The following DPP9 variants were observed in gnomAD, a reference collection of about 807,000 sequenced individuals.
DPP9 encodes the protein dipeptidyl peptidase 9.
In DPP9, 50 loss-of-function variants were observed where a neutral mutation model predicts 110.7. The ratio of observed to expected loss-of-function variants is 0.45; its 90% confidence interval spans 0.36 to 0.57. DPP9 has a LOEUF of 0.57. Ranked by LOEUF, DPP9 falls within the 20% of genes least tolerant of loss-of-function variation. The pLI is 0.00. For synonymous variants in DPP9, 561 were observed against 514.4 expected (o/e 1.09, Z -1.23); for missense variants, 1,022 against 1,217.9 (o/e 0.84, Z 2.39).
chr19:4,685,711 C>T lies in DPP9; in HGVS notation c.1946G>A (p.Arg649Gln), dbSNP rs767196248. 19 of 1,613,370 alleles carry T rather than the reference C, an allele frequency of 1.2e-5. No individual in the cohort carries two copies. Among genetic ancestry groups the T allele is most frequent in the South Asian group, 8.8e-5 (8 of 91,046 alleles). Residue 649 changes from arginine (R) to glutamine (Q), a missense_variant, in exon 17 of 22, where the codon CGG (arginine) becomes CAG (glutamine). Coordinates refer to ENST00000262960, the MANE Select transcript of DPP9 (RefSeq NM_139159.5). This position sits in a 1 kb window ranked among gnomAD's most constrained non-coding sequence, Gnocchi z 5.8. Reference protein sequence around the residue: ...IFHFHTRSDVRLYGMIYKPHA... With the variant: ...IFHFHTRSDVQLYGMIYKPHA... ...GGGCTTGTAGATCATGCCGTAGAGC[C>T]GCACATCCGAGCGCGTGTGGAAATG... is the stretch of plus-strand genomic sequence containing the variant.
chr19:4,688,842 G>A lies in DPP9; in HGVS notation c.1800C>T (p.Cys600=), dbSNP rs758160584. The change falls in exon 16 of 22, where the codon TGC becomes TGT. Residue 600 remains cysteine, a synonymous_variant. Transcript: ENST00000262960. ...SHYSSVSTPP[C]VHVYKLSGPD... is the part of the protein sequence containing the mutation. Reference sequence around the variant, plus strand: ...GGCCGCTCAGCTTGTAGACGTGCACGCAGGGCGGCGTGCTCACGCTGCTGT... The same window carrying A: ...GGCCGCTCAGCTTGTAGACGTGCACACAGGGCGGCGTGCTCACGCTGCTGT... The A allele has an allele frequency of 1.2e-5, 18 of 1,512,406 alleles. No individual in the cohort carries two copies. Among genetic ancestry groups the A allele is most frequent in the East Asian group, 2.7e-5 (1 of 37,406 alleles). 93.7% of individuals were successfully genotyped at this position (1,512,406 alleles called of 1,614,324 possible).
At position 4,687,803 on chromosome 19, in the gene DPP9, GT is replaced by G. The variant is rs142659238; in HGVS notation, c.1885+953del. 7.8e-4 allele frequency among the ~76,000 whole-genome samples: 114 copies of G among 146,978 alleles called. No individual in the cohort carries two copies. The highest frequency in any genetic ancestry group is 1.2e-3 in the Non-Finnish European group (78 of 66,286). On this transcript the variant is annotated intron_variant, in intron 16 of 21. Transcript: ENST00000262960. This position sits in a 1 kb window ranked among gnomAD's most constrained non-coding sequence, Gnocchi z 4.7. ...TGCATGGACCACCACTGTTCAAAAG[GT>G]TTTTTTTTTTTGAGACGGAGTCTCG...
In DPP9 at chr19:4,718,361, C is replaced by T. The variant is rs1056682910; in HGVS notation, c.56+1490G>A. On this transcript the variant is annotated intron_variant, in intron 3 of 21. Coordinates refer to ENST00000262960, the MANE Select transcript of DPP9 (RefSeq NM_139159.5). This position sits in a 1 kb window ranked among gnomAD's most constrained non-coding sequence, Gnocchi z 4.3. ...GCTGACTGCAGTTCTGAGTTCAGGC[C>T]GACCACAAGGTGATAAGGCAGAAAG... Among the ~76,000 whole-genome samples the T allele has an allele frequency of 5.9e-5, 9 of 152,120 alleles. No individual in the cohort carries two copies. Among genetic ancestry groups the T allele is most frequent in the Admixed American group, 2.6e-4 (4 of 15,276 alleles).
chr19:4,708,774 G>A (rs774321360), intron 4 of DPP9, among the ~76,000 whole-genome samples: 1 of 152,102 alleles, frequency 6.6e-6, no homozygotes, highest in Non-Finnish European at 1.5e-5. Flanking sequence ...CAGACACTGG[G>A]GCCTATTGGA....
At position 4,710,507 on chromosome 19, in the gene DPP9, C is replaced by T. The variant is rs570083303; in HGVS notation, c.313+3574G>A. On this transcript the variant is annotated intron_variant, in intron 4 of 21. Transcript: ENST00000262960. The surrounding 1 kb of genome is among the most constrained non-coding windows in gnomAD (Gnocchi z 5.6). Reference sequence around the variant, plus strand: ...TTCCCAGCAGCAGGAACCGCACGTTCCCCCGCTGCTCCTGCTAGCCTGACG... The same window carrying T: ...TTCCCAGCAGCAGGAACCGCACGTTTCCCCGCTGCTCCTGCTAGCCTGACG... Among the ~76,000 whole-genome samples the T allele has an allele frequency of 6.6e-6, 1 of 152,324 alleles. No homozygotes were observed. Among genetic ancestry groups the T allele is most frequent in the African/African-American group, 2.4e-5 (1 of 41,568 alleles).
intron 21 of DPP9, among the ~76,000 whole-genome samples, chr19:4,679,081 C>A (rs2089371416): frequency 6.6e-6 from 1 of 150,662 alleles, no homozygotes; most frequent in Non-Finnish European, 1.5e-5. Flanking sequence ...CCCCCCTCCT[C>A]TACAGCAGAA....
At position 4,682,872 on chromosome 19, in the gene DPP9, G is replaced by A. The variant is rs749247611; in HGVS notation, c.2332-34C>T. The A allele has an allele frequency of 1.3e-6, 2 of 1,559,582 alleles. No individual in the cohort carries two copies. Among genetic ancestry groups the A allele is most frequent in the South Asian group, 2.4e-5 (2 of 85,016 alleles). ...CACAGCAGACAGATGGGGGCAGAGA[G>A]AGAGAGAGAAACAGGCGTCGGGTCC... On this transcript the variant is annotated intron_variant, in intron 19 of 21. Transcript: ENST00000262960. This position sits in a 1 kb window ranked among gnomAD's most constrained non-coding sequence, Gnocchi z 7.1.
rs73543610 is a variant in DPP9, at chr19:4,694,896, C to T, written c.1354-73G>A. 1,116 of 1,510,410 alleles carry T rather than the reference C, an allele frequency of 7.4e-4. 10 individuals are homozygous for T. In the African/African-American group the frequency reaches 0.014, roughly 18 times the overall value. 93.6% of individuals were successfully genotyped at this position (1,510,410 alleles called of 1,614,324 possible). A position where few individuals can be genotyped will look rare whatever the true frequency, so the allele number is the denominator to read the frequency against. ...GGCATGGTGGCTCACACCAGTAATCCCAGTAGTTTGGGAGGCTGGGGCAGG... is the reference window on the plus strand; with the variant it reads ...GGCATGGTGGCTCACACCAGTAATCTCAGTAGTTTGGGAGGCTGGGGCAGG... On this transcript the variant is annotated intron_variant, in intron 12 of 21. Transcript: ENST00000262960. The surrounding 1 kb of genome is among the most constrained non-coding windows in gnomAD (Gnocchi z 4.0).
Position 4,685,716 on chromosome 19 carries a change from A to G in DPP9, c.1941T>C (p.Asp647=). Residue 647 remains aspartate, a synonymous_variant, in exon 17 of 22, where the codon GAT becomes GAC. Coordinates refer to ENST00000262960, the MANE Select transcript of DPP9 (RefSeq NM_139159.5). The surrounding 1 kb of genome is among the most constrained non-coding windows in gnomAD (Gnocchi z 5.8). ...PEIFHFHTRS[D]VRLYGMIYKP... ...TGTAGATCATGCCGTAGAGCCGCAC[A>G]TCCGAGCGCGTGTGGAAATGGAAGA... 1.2e-6 allele frequency: 2 copies of G among 1,613,558 alleles called. No individual in the cohort carries two copies. Among genetic ancestry groups the G allele is most frequent in the Non-Finnish European group, 1.7e-6 (2 of 1,179,850 alleles).
At position 4,684,648 on chromosome 19, in the gene DPP9, GGGA is replaced by G; in HGVS notation, c.2178+12_2178+14del. 1.2e-6 allele frequency: 2 copies of G among 1,613,000 alleles called. No homozygotes were observed. The highest frequency in any genetic ancestry group is 1.3e-5 in the African/African-American group (1 of 75,040). On this transcript the variant is annotated intron_variant, in intron 18 of 21. Transcript: ENST00000262960. The surrounding 1 kb of genome is among the most constrained non-coding windows in gnomAD (Gnocchi z 4.8). ...GAGACCCAAAGGACCCAGAGCAACA[GGGA>G]GGAGTTGTTACCATTTGGTTTTTCA...
chr19:4,701,465 C>T (rs953482894), intron 9 of DPP9, among the ~76,000 whole-genome samples: 1 of 151,674 alleles, frequency 6.6e-6, no homozygotes, highest in African/African-American at 2.4e-5. Context: ...GAAACCTTGT[C>T]TCAAAAACAA....
chr19:4,707,534 A>G (rs973796022), intron 4 of DPP9, among the ~76,000 whole-genome samples: 5 of 145,452 alleles, frequency 3.4e-5, no homozygotes, highest in Non-Finnish European at 7.4e-5. Flanking sequence ...TCCTTGCTCT[A>G]CTTTCAACCC....
Position 4,694,228 on chromosome 19 carries a change from G to A in DPP9, c.1516+433C>T, listed in dbSNP as rs2091583607. On this transcript the variant is annotated intron_variant, in intron 13 of 21. Coordinates refer to ENST00000262960, the MANE Select transcript of DPP9 (RefSeq NM_139159.5). The surrounding 1 kb of genome is among the most constrained non-coding windows in gnomAD (Gnocchi z 4.0). The stretch of plus-strand genomic sequence containing the variant: ...TGGCAAATGTTTCTACAAAGGGCTA[G>A]ACAGTAAATCTTGGCCTTGCACAAC... 1 of 265,602 alleles carries A rather than the reference G, an allele frequency of 3.8e-6. No homozygotes were observed. Among genetic ancestry groups the A allele is most frequent in the Non-Finnish European group, 7.1e-6 (1 of 141,556 alleles). 16.5% of individuals were successfully genotyped at this position (265,602 alleles called of 1,614,324 possible).
chr19:4,698,929 C>T lies in DPP9; in HGVS notation c.1075-1278G>A, dbSNP rs1419639902. Among the ~76,000 whole-genome samples, 2 of 151,962 alleles carry T rather than the reference C, an allele frequency of 1.3e-5. No individual in the cohort carries two copies. The highest frequency in any genetic ancestry group is 2.1e-4 in the South Asian group (1 of 4,816). On this transcript the variant is annotated intron_variant, in intron 10 of 21. Coordinates refer to ENST00000262960, the MANE Select transcript of DPP9 (RefSeq NM_139159.5). The surrounding 1 kb of genome is among the most constrained non-coding windows in gnomAD (Gnocchi z 4.2). The stretch of plus-strand genomic sequence containing the variant: ...ATCCCAACACTTTGGGAGGCCGAGG[C>T]GGGCGGATCACGAGGTCAGGAGATT...
At chr19:4,721,235 C>G (rs2093309196) in intron 2 of DPP9, among the ~76,000 whole-genome samples, 1 of 152,228 alleles carries the variant, frequency 6.6e-6, no homozygotes. Context: ...CTGAGAAACC[C>G]TGCTGTGGGT....
chr19:4,704,609 T>C lies in DPP9; in HGVS notation c.427-305A>G, dbSNP rs560143224. 3.3e-5 allele frequency among the ~76,000 whole-genome samples: 5 copies of C among 152,202 alleles called. No individual in the cohort carries two copies. In the East Asian group the frequency reaches 9.7e-4, roughly 29 times the overall value. On this transcript the variant is annotated intron_variant, in intron 5 of 21. Coordinates refer to ENST00000262960, the MANE Select transcript of DPP9 (RefSeq NM_139159.5). This position sits in a 1 kb window ranked among gnomAD's most constrained non-coding sequence, Gnocchi z 6.0. The stretch of plus-strand genomic sequence containing the variant: ...CCCCACAGACCCTCTCCATAGCAGA[T>C]GGGGGCCCCTGGGAGGGGCTGTCCC...
intron 16 of DPP9, 168 bp downstream of exon 16, chr19:4,688,589 G>A: frequency 1.1e-6 from 1 of 879,044 alleles, no homozygotes; most frequent in Non-Finnish European, 1.6e-6. Context: ...CAGGGGCTGT[G>A]GCTTATGTCC....
intron 21 of DPP9, chr19:4,679,566 C>G (rs1030583791): frequency 2.1e-6 from 1 of 481,782 alleles, no homozygotes; most frequent in Non-Finnish European, 3.7e-6. Flanking sequence ...CCATTAGGCC[C>G]GGAGCAGGGG....
intron 4 of DPP9, among the ~76,000 whole-genome samples, chr19:4,712,237 A>G (rs2092870249): frequency 6.6e-6 from 1 of 152,108 alleles, no homozygotes; most frequent in Non-Finnish European, 1.5e-5. Context: ...CCCAGACTAG[A>G]GTTGGCCAGC....
Sources: gnomAD v4.1 joint callset for allele counts (sites outside exome capture counted in the v4.1 genomes callset) on GRCh38, gnomAD v4.1.1 for gene constraint, Gnocchi (gnomAD v3.1) non-coding constraint, MANE v1.5 for transcripts, NCBI Gene and HGNC (gene_info 2026-07-23, HGNC 2026-07-21) for gene names.